SORCS3: variants seen among roughly 807,000 people sequenced by gnomAD.
The protein encoded by SORCS3 is VPS10 domain-containing receptor SorCS3.
A neutral mutation model predicts 146.3 loss-of-function variants in SORCS3; 57 were observed. The observed-to-expected ratio is 0.39, with a 90% CI of 0.31 to 0.49. The LOEUF (loss-of-function observed/expected upper bound fraction) is 0.49, where lower values mean the gene tolerates loss of function less well. SORCS3 is among the 20% of genes least tolerant of loss of function. The pLI is 0.92. For synonymous variants in SORCS3, 653 were observed against 618.5 expected, an observed-to-expected ratio of 1.06 and a Z score of -0.83; for missense variants, 1,341 against 1,575.5, an observed-to-expected ratio of 0.85 and a Z score of 2.52.
At chr10:104,807,856 T>A (rs1220231223) in intron 1 of SORCS3, among the ~76,000 whole-genome samples, 1 of 152,246 alleles carries the variant, frequency 6.6e-6, no homozygotes, top group South Asian at 2.1e-4. Flanking sequence ...CGTAATTTAC[T>A]TTCAAATCTG....
intron 3 of SORCS3, among the ~76,000 whole-genome samples, chr10:104,975,752 A>C (rs1429858626): frequency 6.6e-6 from 1 of 152,162 alleles, no homozygotes; most frequent in Non-Finnish European, 1.5e-5. Context: ...TCAGAAATAA[A>C]GCCACATATC....
rs140127760 is a variant in SORCS3, at chr10:105,104,867, C to T, written c.1094-530C>T. Among the ~76,000 whole-genome samples the T allele has an allele frequency of 4.1e-3, 618 of 152,262 alleles. 7 individuals carry two copies. Among genetic ancestry groups the T allele is most frequent in the African/African-American group, 0.014 (577 of 41,564 alleles). The stretch of plus-strand genomic sequence containing the variant: ...CGTATCCACCGAATTCTTCTAATTG[C>T]AGCATAGTACTCTGTCATATGCATA... On this transcript the variant is annotated intron_variant, in intron 6 of 26. Coordinates refer to ENST00000369701, the MANE Select transcript of SORCS3 (RefSeq NM_014978.3).
chr10:104,660,394 T>G (rs1434697517), intron 1 of SORCS3, among the ~76,000 whole-genome samples: 1 of 152,208 alleles, frequency 6.6e-6, no homozygotes, highest in Non-Finnish European at 1.5e-5. Context: ...GGTTAACATT[T>G]AGGTAGTGGA....
intron 1 of SORCS3, among the ~76,000 whole-genome samples, chr10:104,673,939 C>T (rs932015189): frequency 5.9e-5 from 9 of 152,206 alleles, no homozygotes; most frequent in African/African-American, 1.9e-4. Flanking sequence ...CATCTTTATA[C>T]ATCATGTGCC....
intron 7 of SORCS3, among the ~76,000 whole-genome samples, chr10:105,121,812 G>A (rs1347511369): frequency 5.3e-5 from 8 of 152,196 alleles, no homozygotes; most frequent in Non-Finnish European, 1.2e-4. Context: ...CCATCCCTGG[G>A]ACTTCCCGTG....
intron 1 of SORCS3, among the ~76,000 whole-genome samples, chr10:104,755,897 T>C (rs2017044969): frequency 6.6e-6 from 1 of 152,174 alleles, no homozygotes; most frequent in South Asian, 2.1e-4. Context: ...AAGGACTGAG[T>C]ATTTTTTTGT....
intron 7 of SORCS3, among the ~76,000 whole-genome samples, chr10:105,128,875 T>C (rs894409855): frequency 1.3e-5 from 2 of 152,228 alleles, no homozygotes; most frequent in African/African-American, 4.8e-5. Flanking sequence ...CATTTTATTA[T>C]GTTGTTTATT....
intron 9 of SORCS3, among the ~76,000 whole-genome samples, chr10:105,150,584 G>A (rs947739509): frequency 6.6e-6 from 1 of 152,162 alleles, no homozygotes; most frequent in Non-Finnish European, 1.5e-5. Flanking sequence ...GGATGGTGCT[G>A]ATTTGTGAGA....
intron 1 of SORCS3, among the ~76,000 whole-genome samples, chr10:104,702,477 G>A (rs1226526523): frequency 6.6e-6 from 1 of 152,044 alleles, no homozygotes; most frequent in Non-Finnish European, 1.5e-5. Context: ...CAGTAGAGAT[G>A]GGGTTTCACC....
intron 1 of SORCS3, among the ~76,000 whole-genome samples, chr10:104,652,571 C>G (rs573197460): frequency 1.3e-5 from 2 of 152,296 alleles, no homozygotes; most frequent in African/African-American, 4.8e-5. Context: ...AGATGCAGCT[C>G]TTGCCTTCTT....
chr10:104,930,648 A>G (rs920997347), intron 3 of SORCS3, among the ~76,000 whole-genome samples: 1 of 152,208 alleles, frequency 6.6e-6, no homozygotes, highest in Non-Finnish European at 1.5e-5. Flanking sequence ...CATAAGAGTA[A>G]GCATCAGTGC....
intron 5 of SORCS3, among the ~76,000 whole-genome samples, chr10:105,080,400 G>GT (rs200333877): frequency 6.7e-4 from 101 of 150,816 alleles, no homozygotes; most frequent in African/African-American, 2.0e-3. Context: ...ACTTTTTAAT[G>GT]TTTTTTTTTC....
intron 1 of SORCS3, among the ~76,000 whole-genome samples, chr10:104,714,041 G>A (rs1273041800): frequency 6.6e-6 from 1 of 152,136 alleles, no homozygotes; most frequent in African/African-American, 2.4e-5. Flanking sequence ...TGTAAGCATA[G>A]TTATCTGTAG....
At chr10:104,842,186 T>C (rs921024290) in intron 1 of SORCS3, among the ~76,000 whole-genome samples, 1 of 152,206 alleles carries the variant, frequency 6.6e-6, no homozygotes, top group Non-Finnish European at 1.5e-5. Flanking sequence ...CCAGTGGGGT[T>C]CAATGATCTG....
At chr10:105,235,955 G>T (rs2056790965) in intron 20 of SORCS3, among the ~76,000 whole-genome samples, 1 of 152,056 alleles carries the variant, frequency 6.6e-6, no homozygotes, top group African/African-American at 2.4e-5. Context: ...CACACACTAT[G>T]TACTCAATAA....
intron 1 of SORCS3, among the ~76,000 whole-genome samples, chr10:104,685,791 C>G (rs2016036880): frequency 1.3e-5 from 2 of 152,140 alleles, no homozygotes; most frequent in African/African-American, 2.4e-5. Flanking sequence ...ACTTAGCAGC[C>G]CTAGTTCTAC....
intron 5 of SORCS3, among the ~76,000 whole-genome samples, chr10:105,066,169 T>G (rs1336912403): frequency 6.6e-6 from 1 of 152,208 alleles, no homozygotes; most frequent in Admixed American, 6.5e-5. Flanking sequence ...AATGCATGGT[T>G]GACATTTTGT....
At chr10:104,998,900 C>G (rs1464469373) in intron 4 of SORCS3, among the ~76,000 whole-genome samples, 1 of 152,064 alleles carries the variant, frequency 6.6e-6, no homozygotes, top group African/African-American at 2.4e-5. Context: ...CTCATGTTCT[C>G]TAATTACAGA....
At chr10:104,810,536 A>G (rs1209239022) in intron 1 of SORCS3, among the ~76,000 whole-genome samples, 1 of 152,226 alleles carries the variant, frequency 6.6e-6, no homozygotes, top group East Asian at 1.9e-4. Context: ...CAGTTTAATT[A>G]TATGATTATT....
Sources: allele counts gnomAD v4.1 joint callset (sites outside exome capture counted in the v4.1 genomes callset), GRCh38; gene constraint gnomAD v4.1.1; transcripts MANE v1.5; gene names NCBI Gene and HGNC (gene_info 2026-07-23, HGNC 2026-07-21).